Variants in NCOA3 observed in about 807,000 individuals in gnomAD.
NCOA3 encodes the protein nuclear receptor coactivator 3.
Under a neutral mutation model 158.8 loss-of-function variants are expected in NCOA3, and 51 were observed. The observed-to-expected ratio is 0.32, with a 90% confidence interval of 0.26 to 0.41. The LOEUF is 0.41. Ranked by LOEUF, NCOA3 falls within the 10% of genes least tolerant of loss-of-function variation. NCOA3 has a pLI of 1.00. For synonymous variants in NCOA3, 537 were observed against 592.4 expected, an observed-to-expected ratio of 0.91 and a Z score of 1.36; for missense variants, 1,510 against 1,746.6, an observed-to-expected ratio of 0.86 and a Z score of 2.41.
intron 3 of NCOA3, 79 bp from the exon 4 acceptor site, chr20:47,623,832 G>T: frequency 7.4e-7 from 1 of 1,349,140 alleles, no homozygotes; most frequent in Non-Finnish European, 1.0e-6. Context: ...GTGTTGTATA[G>T]GGGCTGATTC....
intron 2 of NCOA3, among the ~76,000 whole-genome samples, chr20:47,621,841 C>T (rs55726131): frequency 0.23 from 35,117 of 151,368 alleles, 4,309 homozygotes; most frequent in Middle Eastern, 0.32. Context: ...TTAGTAGAGA[C>T]GGGGTTTCAC....
rs535167671 is a variant in NCOA3 at position 47,612,431 on chromosome 20, C to T, written c.-19-9798C>T. Among the ~76,000 whole-genome samples the T allele has an allele frequency of 5.3e-5, 8 of 151,862 alleles. No individual in the cohort carries two copies. The South Asian group carries it at 8.3e-4, about 16-fold the overall frequency. ...AAAACTTTTGTCTAATTGGGAGAGTCGGGGATGGTTTTACCAGAGGTGACA... is the reference window on the plus strand; with the variant it reads ...AAAACTTTTGTCTAATTGGGAGAGTTGGGGATGGTTTTACCAGAGGTGACA... On this transcript the variant is annotated intron_variant, in intron 2 of 22. Coordinates refer to ENST00000371998, the MANE Select transcript of NCOA3 (RefSeq NM_181659.3).
intron 1 of NCOA3, among the ~76,000 whole-genome samples, chr20:47,529,545 T>C (rs896644212): frequency 3.9e-5 from 6 of 152,198 alleles, no homozygotes; most frequent in African/African-American, 1.4e-4. Context: ...CCCGAGTAGC[T>C]GGGACCACAA....
intron 1 of NCOA3, among the ~76,000 whole-genome samples, chr20:47,507,647 T>C (rs1391837797): frequency 3.9e-5 from 6 of 152,194 alleles, no homozygotes; most frequent in Non-Finnish European, 8.8e-5. Context: ...AGATGGAGTT[T>C]CACTCTTGTT....
chr20:47,604,358 T>C (rs1440147486), intron 2 of NCOA3, among the ~76,000 whole-genome samples: 1 of 152,250 alleles, frequency 6.6e-6, no homozygotes, highest in Non-Finnish European at 1.5e-5. Context: ...CTCTTCACTA[T>C]GCTTCATTTA....
chr20:47,525,755 C>CG (rs1446637994), intron 1 of NCOA3, among the ~76,000 whole-genome samples: 3 of 101,348 alleles, frequency 3.0e-5, no homozygotes, highest in East Asian at 2.9e-4. Context: ...GCTGGCCGGG[C>CG]GGGGGGCTGA....
At chr20:47,602,489 T>C (rs1008165264) in intron 2 of NCOA3, among the ~76,000 whole-genome samples, 1 of 152,234 alleles carries the variant, frequency 6.6e-6, no homozygotes, top group Non-Finnish European at 1.5e-5. Flanking sequence ...AACTTGTTAA[T>C]TAAAATAACA....
At chr20:47,552,159 A>G (rs1417168510) in intron 1 of NCOA3, among the ~76,000 whole-genome samples, 1 of 152,236 alleles carries the variant, frequency 6.6e-6, no homozygotes, top group Non-Finnish European at 1.5e-5. Context: ...GTTAATTATC[A>G]TATCACATTA....
intron 2 of NCOA3, among the ~76,000 whole-genome samples, chr20:47,589,285 G>A (rs981224304): frequency 6.6e-6 from 1 of 152,160 alleles, no homozygotes; most frequent in African/African-American, 2.4e-5. Context: ...GTTTGCTTTG[G>A]TAACTTGATT....
intron 2 of NCOA3, among the ~76,000 whole-genome samples, chr20:47,615,340 T>A (rs1568727893): frequency 6.6e-6 from 1 of 152,232 alleles, no homozygotes; most frequent in Non-Finnish European, 1.5e-5. Context: ...ACTATAGCTT[T>A]TTTTAGGTCC....
chr20:47,530,637 A>AT (rs1016324742), intron 1 of NCOA3, among the ~76,000 whole-genome samples: 21 of 151,658 alleles, frequency 1.4e-4, no homozygotes, highest in South Asian at 4.2e-4. Flanking sequence ...GAATTTTTGT[A>AT]TTTTTTTAGT....
At chr20:47,569,137 C>T (rs1048773906) in intron 1 of NCOA3, among the ~76,000 whole-genome samples, 12 of 151,932 alleles carry the variant, frequency 7.9e-5, no homozygotes, top group African/African-American at 1.5e-4. Context: ...CTTGAGCCCA[C>T]GAGTTTGAGA....
intron 17 of NCOA3, among the ~76,000 whole-genome samples, chr20:47,643,333 T>C (rs192421983): frequency 6.6e-6 from 1 of 152,258 alleles, no homozygotes; most frequent in African/African-American, 2.4e-5. Flanking sequence ...TGTGTACATA[T>C]GGAAGTACAC....
At chr20:47,638,203 G>A (rs1178018105) in intron 13 of NCOA3, among the ~76,000 whole-genome samples, 1 of 152,188 alleles carries the variant, frequency 6.6e-6, no homozygotes, top group African/African-American at 2.4e-5. Context: ...GGTGTTTGCT[G>A]GTTCTTATCT....
In NCOA3 at chr20:47,583,173, T is replaced by C. The variant is rs1917607292; in HGVS notation, c.-98-10T>C. 2.5e-6 allele frequency: 1 copy of C among 398,636 alleles called. No individual in the cohort carries two copies. The highest frequency in any genetic ancestry group is 4.4e-5 in the Admixed American group (1 of 22,738). 24.7% of individuals were successfully genotyped at this position (398,636 alleles called of 1,614,324 possible). A position where few individuals can be genotyped will look rare whatever the true frequency, so the allele number is the denominator to read the frequency against. ...TAAAATTCAATCCCTCCTCTTCTTT[T>C]TGTCCTCAGGATCAAAATACTTGCT... On this transcript the variant is annotated splice_polypyrimidine_tract_variant and intron_variant, in intron 1 of 22. Transcript: ENST00000371998.
At chr20:47,565,526 G>A (rs2085178894) in intron 1 of NCOA3, among the ~76,000 whole-genome samples, 1 of 152,130 alleles carries the variant, frequency 6.6e-6, no homozygotes, top group South Asian at 2.1e-4. Context: ...GATCAGCCTG[G>A]GTGACATGGT....
At chr20:47,517,947 G>A (rs1186831839) in intron 1 of NCOA3, among the ~76,000 whole-genome samples, 2 of 152,124 alleles carry the variant, frequency 1.3e-5, no homozygotes, top group Admixed American at 6.6e-5. Context: ...ATTTTCCTGG[G>A]ACAACTCTGT....
At position 47,636,052 on chromosome 20, in the gene NCOA3, A is replaced by G. The variant is rs72645272; in HGVS notation, c.1666A>G (p.Ile556Val). ...ATTGGATAACTCTCCCAATATGAAT[A>G]TTACCCAACCAAGTAAAGTAAGCAA... The part of the protein sequence containing the change: ...PKLDNSPNMN[I>V]TQPSKVSNQD... The change falls in exon 12 of 23, where the codon ATT (isoleucine) becomes GTT (valine). Residue 556 changes from isoleucine to valine, a missense_variant. Transcript: ENST00000371998. 1.7e-4 allele frequency: 271 copies of G among 1,614,118 alleles called. 2 individuals carry two copies. The African/African-American group carries it at 3.1e-3, about 19-fold the overall frequency.
rs191683566 is a variant in NCOA3, at chr20:47,551,083, C to T, written c.-98-32100C>T. Reference sequence around the variant, plus strand: ...ATGATTAAATTCTGGGGAAGAAGAACGGAAATTTTATATTTCAGGAGAAAG... The same window carrying T: ...ATGATTAAATTCTGGGGAAGAAGAATGGAAATTTTATATTTCAGGAGAAAG... On this transcript the variant is annotated intron_variant, in intron 1 of 22. Transcript: ENST00000371998. Among the ~76,000 whole-genome samples the T allele has an allele frequency of 2.1e-4, 32 of 151,998 alleles. No individual in the cohort carries two copies. The Middle Eastern group carries it at 0.01, about 48-fold the overall frequency.
Sources: gnomAD v4.1 joint callset for allele counts (sites outside exome capture counted in the v4.1 genomes callset) on GRCh38, gnomAD v4.1.1 for gene constraint, MANE v1.5 for transcripts, NCBI Gene and HGNC (gene_info 2026-07-23, HGNC 2026-07-21) for gene names.